SYNE2: variants seen among roughly 807,000 people sequenced by gnomAD.
SYNE2 encodes spectrin repeat containing nuclear envelope protein 2, also known as nesprin-2.
SYNE2 carries 431 observed loss-of-function variants against 856.3 expected under a neutral mutation model. The observed-to-expected ratio is 0.50, with a 90% CI of 0.47 to 0.55. The LOEUF (loss-of-function observed/expected upper bound fraction) is 0.55, where lower values mean the gene tolerates loss of function less well. Among genes scored for constraint, SYNE2 ranks in the 20% least tolerant of loss-of-function variants. SYNE2 has a pLI of 0.00. For missense variants in SYNE2, 8,129 were observed against 8,023.2 expected, an observed-to-expected ratio of 1.01 and a Z score of -0.50; for synonymous variants, 2,923 against 2,872.3, an observed-to-expected ratio of 1.02 and a Z score of -0.56.
In SYNE2 at chr14:64,107,561, C is replaced by T; in HGVS notation, c.12563C>T (p.Thr4188Ile). ...AQILTPDSLNTEQGPECSLRP... is the reference protein window; with the variant it reads ...AQILTPDSLNIEQGPECSLRP... Reference sequence around the variant, plus strand: ...ATCCTCACACCAGACTCACTAAACACTGAGCAAGGCCCAGAATGTTCCCTA... The same window carrying T: ...ATCCTCACACCAGACTCACTAAACATTGAGCAAGGCCCAGAATGTTCCCTA... The change falls in exon 65 of 116, where the codon ACT becomes ATT. Residue 4188 changes from threonine (T) to isoleucine (I), a missense_variant. Around this residue, in one of 3 missense-constraint regions of SYNE2, gnomAD observed 5,410 missense variants for 5,284.8 expected, o/e 1.02. Coordinates refer to ENST00000555002, the MANE Select transcript of SYNE2 (RefSeq NM_182914.3). 1.9e-6 allele frequency: 3 copies of T among 1,614,156 alleles called. No individual in the cohort carries two copies. The highest frequency in any genetic ancestry group is 2.5e-6 in the Non-Finnish European group (3 of 1,180,028).
In SYNE2 at chr14:63,853,046, GGAGAGCGAGCAAAAGGCGCGATCCA is replaced by G. The variant is rs1207682752; in HGVS notation, c.-142_-118del. 1 of 151,764 alleles carries G rather than the reference GGAGAGCGAGCAAAAGGCGCGATCCA, an allele frequency of 6.6e-6. No homozygotes were observed. The highest frequency in any genetic ancestry group is 2.4e-5 in the African/African-American group (1 of 41,402). 9.4% of individuals were successfully genotyped at this position (151,764 alleles called of 1,614,324 possible). ...TCGGCCGGACCTGAAAAAGCGAGAG[GGAGAGCGAGCAAAAGGCGCGATCCA>G]GAGAGCCAGGCAAGCGGGGCGCCGA... is the stretch of plus-strand genomic sequence containing the variant. On this transcript the variant is annotated 5_prime_UTR_variant, in exon 1 of 116. Coordinates refer to ENST00000555002, the MANE Select transcript of SYNE2 (RefSeq NM_182914.3).
intron 2 of SYNE2, among the ~76,000 whole-genome samples, chr14:63,933,833 A>G (rs967365120): frequency 2.0e-5 from 3 of 152,212 alleles, no homozygotes; most frequent in Admixed American, 6.5e-5. Context: ...TTAAGTTGCT[A>G]TAAGCACGTG....
chr14:63,806,317 CCA>C (rs1443754880), intron 1 of SYNE2, among the ~76,000 whole-genome samples: 1 of 152,116 alleles, frequency 6.6e-6, no homozygotes, highest in Non-Finnish European at 1.5e-5. Flanking sequence ...ACTTTGCATT[CCA>C]GGAATAAAGG....
intron 89 of SYNE2, among the ~76,000 whole-genome samples, chr14:64,164,719 C>T (rs999832389): frequency 1.3e-5 from 2 of 152,158 alleles, no homozygotes; most frequent in African/African-American, 4.8e-5. Context: ...TCTATGTGGT[C>T]TCCTCAGGCG....
At chr14:64,183,002 C>G (rs1309738915) in intron 96 of SYNE2, among the ~76,000 whole-genome samples, 2 of 124,356 alleles carry the variant, frequency 1.6e-5, no homozygotes, top group Non-Finnish European at 3.2e-5. Context: ...GACGGGGCGA[C>G]TGGCCAGGCG....
intron 1 of SYNE2, among the ~76,000 whole-genome samples, chr14:63,776,588 T>TTTTC (rs1261517731): frequency 6.6e-6 from 1 of 151,374 alleles, no homozygotes; most frequent in African/African-American, 2.4e-5. Flanking sequence ...GAATTTCTTT[T>TTTTC]TTTCTTTCTT....
intron 90 of SYNE2, 37 bp from the exon 91 acceptor site, chr14:64,167,196 G>A (rs1315027854): frequency 6.2e-7 from 1 of 1,613,056 alleles, no homozygotes; most frequent in Non-Finnish European, 8.5e-7. Flanking sequence ...TATCTTATTG[G>A]CATCCAAAAA....
At chr14:64,082,924 C>T (rs1360683721) in intron 57 of SYNE2, among the ~76,000 whole-genome samples, 4 of 152,152 alleles carry the variant, frequency 2.6e-5, no homozygotes, top group African/African-American at 4.8e-5. Context: ...CTTGAGGCCT[C>T]GGCTGCAAAA....
intron 7 of SYNE2, among the ~76,000 whole-genome samples, chr14:63,951,332 C>T (rs922302497): frequency 7.9e-5 from 12 of 151,654 alleles, no homozygotes; most frequent in African/African-American, 2.9e-4. Context: ...GAGAGAGTTT[C>T]GCTCTTGTCG....
rs370044580 is a variant in SYNE2, at chr14:64,144,028, A to G, written c.15483+80A>G. The stretch of plus-strand genomic sequence containing the variant: ...TCTGAAAAATCAAAAAAGACGTTCA[A>G]TTAGTTGACTGATTATTAAGCCTAA... On this transcript the variant is annotated intron_variant, in intron 83 of 115. Transcript: ENST00000555002. 14 of 1,521,054 alleles carry G rather than the reference A, an allele frequency of 9.2e-6. No homozygotes were observed. In the Admixed American group the frequency reaches 1.0e-4, roughly 11 times the overall value. The allele number at this position is 1,521,054 out of a possible 1,614,324, so 94.2% of individuals were successfully genotyped here.
intron 11 of SYNE2, 129 bp from the exon 12 acceptor site, chr14:63,976,434 G>A: frequency 1.1e-6 from 1 of 936,886 alleles, no homozygotes; most frequent in Admixed American, 2.6e-5. Flanking sequence ...AGATTTCCAT[G>A]ATAATTGATC....
At position 63,942,115 on chromosome 14, in the gene SYNE2, T is replaced by A; in HGVS notation, c.380T>A (p.Leu127Gln). The change falls in exon 6 of 116, where the codon CTA becomes CAA. Residue 127 changes from leucine to glutamine, a missense_variant. Leu to Gln is a moderately radical substitution (Grantham distance 113, BLOSUM62 -2). Transcript: ENST00000555002. ...IDGNPSIILG[L>Q]IWTIILHFHI... is the part of the protein sequence containing the mutation. ...GGAAACCCATCCATTATCCTTGGCCTAATTTGGACAATTATCCTGCACTTT... is the reference window on the plus strand; with the variant it reads ...GGAAACCCATCCATTATCCTTGGCCAAATTTGGACAATTATCCTGCACTTT... 6.2e-7 allele frequency: 1 copy of A among 1,607,054 alleles called. No individual in the cohort carries two copies. The highest frequency in any genetic ancestry group is 8.5e-7 in the Non-Finnish European group (1 of 1,174,374).
At chr14:63,991,561 G>A (rs77848259) in intron 21 of SYNE2, among the ~76,000 whole-genome samples, 4,492 of 152,120 alleles carry the variant, frequency 0.03, 233 homozygotes, top group African/African-American at 0.1. Flanking sequence ...AGTTATTCAT[G>A]GAAGCATACT....
intron 6 of SYNE2, among the ~76,000 whole-genome samples, chr14:63,947,246 A>C (rs1194943261): frequency 6.6e-6 from 1 of 152,174 alleles, no homozygotes; most frequent in Non-Finnish European, 1.5e-5. Context: ...GCAGTGATGG[A>C]ACTGTTCCAT....
intron 8 of SYNE2, among the ~76,000 whole-genome samples, chr14:63,958,320 T>C (rs78185720): frequency 0.022 from 3,393 of 152,358 alleles, 60 homozygotes; most frequent in Non-Finnish European, 0.032. Context: ...AGCTGTCATA[T>C]CTCCTGTGAC....
chr14:63,996,699 G>A (rs974806787), intron 23 of SYNE2, among the ~76,000 whole-genome samples: 5 of 152,084 alleles, frequency 3.3e-5, no homozygotes, highest in Admixed American at 2.0e-4. Context: ...TCCTTCAGGC[G>A]GGTAGGCTCT....
At chr14:63,899,741 A>T (rs1289114027) in intron 1 of SYNE2, among the ~76,000 whole-genome samples, 1 of 151,858 alleles carries the variant, frequency 6.6e-6, no homozygotes, top group Non-Finnish European at 1.5e-5. Flanking sequence ...GTCTCAAGTG[A>T]TCCTCTTGCC....
intron 18 of SYNE2, among the ~76,000 whole-genome samples, chr14:63,985,956 T>G (rs542746859): frequency 6.6e-6 from 1 of 152,276 alleles, no homozygotes; most frequent in Admixed American, 6.5e-5. Flanking sequence ...TGCAATGAGC[T>G]GTGATTGTGC....
At chr14:64,085,156 TCCA>T (rs1295820421) in intron 57 of SYNE2, 9 of 582,480 alleles carry the variant, frequency 1.5e-5, no homozygotes, top group Non-Finnish European at 2.8e-5. Context: ...CACTGCAGCC[TCCA>T]CCTTCTGAGT....
Sources: allele counts gnomAD v4.1 joint callset (sites outside exome capture counted in the v4.1 genomes callset), GRCh38; gene constraint gnomAD v4.1.1; regional missense constraint gnomAD v4.1.1; transcripts MANE v1.5; gene names NCBI Gene and HGNC (gene_info 2026-07-23, HGNC 2026-07-21).